Variants in CHST8 observed in about 807,000 individuals in gnomAD.
CHST8 encodes GALNAC-4-ST1.
CHST8 carries 10 observed loss-of-function variants against 15.0 expected under a neutral mutation model. The ratio of observed to expected loss-of-function variants is 0.67; its 90% CI spans 0.41 to 1.13. CHST8 has a LOEUF of 1.13. Ranked by LOEUF, CHST8 falls within the 50% of genes most tolerant of loss-of-function variation. The probability of loss-of-function intolerance (pLI) is 0.00; values close to 1 mark genes in which losing one functional copy is unlikely to be tolerated. For synonymous variants in CHST8, 259 were observed against 256.6 expected (o/e 1.01, Z -0.09); for missense variants, 634 against 608.2 (o/e 1.04, Z -0.45).
At chr19:33,647,915 A>G (rs1189666479) in intron 1 of CHST8, among the ~76,000 whole-genome samples, 1 of 152,044 alleles carries the variant, frequency 6.6e-6, no homozygotes, top group Non-Finnish European at 1.5e-5. Flanking sequence ...AGAGGGGTTG[A>G]AAGGTTTTTG....
At chr19:33,679,570 T>C (rs1972858293) in intron 2 of CHST8, among the ~76,000 whole-genome samples, 1 of 152,226 alleles carries the variant, frequency 6.6e-6, no homozygotes, top group African/African-American at 2.4e-5. Flanking sequence ...CAGCCAAACT[T>C]TCTGCGTGTT....
rs1568358504 is a variant in CHST8, at chr19:33,757,463, A to G, written c.131-13950A>G. ...GAAAGAAAGAAAGAAAGAAAGAAAG[A>G]AAGAAAGAAAGAAAGAAAGAAAGAA... On this transcript the variant is annotated intron_variant, in intron 3 of 4. Transcript: ENST00000650847. 6.2e-4 allele frequency among the ~76,000 whole-genome samples: 27 copies of G among 43,246 alleles called. 6 individuals are homozygous for G. The highest frequency in any genetic ancestry group is 2.9e-3 in the Admixed American group (12 of 4,106). The allele number at this position is 43,246 out of a possible 152,430, so 28.4% of individuals were successfully genotyped here.
At chr19:33,751,017 C>T (rs1974407800) in intron 3 of CHST8, among the ~76,000 whole-genome samples, 1 of 152,072 alleles carries the variant, frequency 6.6e-6, no homozygotes, top group Admixed American at 6.5e-5. Flanking sequence ...TACAAGCTCT[C>T]CTTTTAATAA....
At chr19:33,622,480 C>T (rs1470549083) in intron 1 of CHST8, among the ~76,000 whole-genome samples, 184 bp downstream of exon 1, 3 of 152,220 alleles carry the variant, frequency 2.0e-5, no homozygotes, top group Non-Finnish European at 4.4e-5. Context: ...GGTCTGGTTG[C>T]ACTTTGGGGA....
intron 1 of CHST8, among the ~76,000 whole-genome samples, chr19:33,665,710 G>A (rs116055253): frequency 6.6e-6 from 1 of 152,092 alleles, no homozygotes; most frequent in African/African-American, 2.4e-5. Flanking sequence ...GGCTGGGGCC[G>A]CAGAACCCAG....
intron 1 of CHST8, among the ~76,000 whole-genome samples, chr19:33,634,247 TC>T (rs1282619414): frequency 6.6e-6 from 1 of 152,232 alleles, no homozygotes; most frequent in Non-Finnish European, 1.5e-5. Context: ...TGTGAGTTTT[TC>T]CCATTTTAGC....
chr19:33,631,791 T>C lies in CHST8; in HGVS notation c.-164+9495T>C, dbSNP rs375539459. Among the ~76,000 whole-genome samples, 206 of 152,156 alleles carry C rather than the reference T, an allele frequency of 1.4e-3. 8 individuals are homozygous for C. In the South Asian group the frequency reaches 0.042, roughly 31 times the overall value. ...CCTCCCTCCACCCCAGGCAGCCACCTCTAGGTTGCGGCTGAAGCTGGGACC... is the reference window on the plus strand; with the variant it reads ...CCTCCCTCCACCCCAGGCAGCCACCCCTAGGTTGCGGCTGAAGCTGGGACC... On this transcript the variant is annotated intron_variant, in intron 1 of 4. Transcript: ENST00000650847.
At chr19:33,652,706 TGTTTCC>T (rs1415515846) in intron 1 of CHST8, among the ~76,000 whole-genome samples, 1 of 152,150 alleles carries the variant, frequency 6.6e-6, no homozygotes, top group Non-Finnish European at 1.5e-5. Context: ...TTTTATTTTG[TGTTTCC>T]TACTTAACTT....
intron 3 of CHST8, among the ~76,000 whole-genome samples, chr19:33,693,226 G>A (rs184862272): frequency 2.0e-4 from 30 of 152,064 alleles, no homozygotes; most frequent in Admixed American, 1.5e-3. Flanking sequence ...GGCTGATCTC[G>A]AATCCCCAAC....
chr19:33,642,310 C>T (rs1301928113), intron 1 of CHST8, among the ~76,000 whole-genome samples: 2 of 152,172 alleles, frequency 1.3e-5, no homozygotes, highest in African/African-American at 4.8e-5. Context: ...CCCCACTCCA[C>T]CTCCCACTTC....
Position 33,773,068 on chromosome 19 carries a change from C to T in CHST8, c.*5C>T, listed in dbSNP as rs766431389. The stretch of plus-strand genomic sequence containing the variant: ...CCCTTTGCAGATCTGTACTGAGGGG[C>T]GCCGCAGCTGGCCGGGGCCGCCCTG... On this transcript the variant is annotated 3_prime_UTR_variant, in exon 5 of 5. Transcript: ENST00000650847. 1.3e-6 allele frequency: 2 copies of T among 1,582,610 alleles called. No homozygotes were observed. The highest frequency in any genetic ancestry group is 1.7e-6 in the Non-Finnish European group (2 of 1,166,210).
intron 3 of CHST8, among the ~76,000 whole-genome samples, chr19:33,695,593 A>G (rs1216051968): frequency 6.6e-6 from 1 of 151,858 alleles, no homozygotes; most frequent in African/African-American, 2.4e-5. Flanking sequence ...CCTGAGTCCC[A>G]TAGTCTATTG....
chr19:33,659,059 C>CTTTTTTTTTT lies in CHST8; in HGVS notation c.-163-8694_-163-8685dup, dbSNP rs71181374. 7.7e-4 allele frequency among the ~76,000 whole-genome samples: 61 copies of CTTTTTTTTTT among 78,838 alleles called. 4 individuals carry two copies. The highest frequency in any genetic ancestry group is 1.5e-3 in the African/African-American group (28 of 18,700). 51.7% of individuals were successfully genotyped at this position (78,838 alleles called of 152,430 possible). Reference sequence around the variant, plus strand: ...TTATTGTTTCATGGTTAGGTAATGACTTTTTTTTTTTTTTTTTTTTTTTGA... The same window carrying CTTTTTTTTTT: ...TTATTGTTTCATGGTTAGGTAATGACTTTTTTTTTTTTTTTTTTTTTTTTTTTTTTTTTGA... On this transcript the variant is annotated intron_variant, in intron 1 of 4. Transcript: ENST00000650847.
At chr19:33,767,898 T>C (rs972334804) in intron 3 of CHST8, among the ~76,000 whole-genome samples, 10 of 152,122 alleles carry the variant, frequency 6.6e-5, no homozygotes, top group African/African-American at 2.4e-4. Context: ...ACGTTTTATT[T>C]GGGGGCTTGA....
At chr19:33,750,531 G>C in intron 3 of CHST8, among the ~76,000 whole-genome samples, 1 of 152,034 alleles carries the variant, frequency 6.6e-6, no homozygotes, top group Non-Finnish European at 1.5e-5. Flanking sequence ...TAAGCCTCGG[G>C]ATAAGCCATC....
chr19:33,773,157 C>T lies in CHST8; in HGVS notation c.*94C>T. On this transcript the variant is annotated 3_prime_UTR_variant, in exon 5 of 5. Coordinates refer to ENST00000650847, the MANE Select transcript of CHST8 (RefSeq NM_001127895.2). ...CCCTGGCTCCTCATCCTGGGAGCAA[C>T]AGGGCTCTGAGGACGTGAGGAGCCA... 1 of 1,371,712 alleles carries T rather than the reference C, an allele frequency of 7.3e-7. No individual in the cohort carries two copies. Among genetic ancestry groups the T allele is most frequent in the Non-Finnish European group, 9.7e-7 (1 of 1,029,154 alleles). The allele number at this position is 1,371,712 out of a possible 1,614,324, so 85.0% of individuals were successfully genotyped here.
intron 1 of CHST8, among the ~76,000 whole-genome samples, chr19:33,651,071 G>A (rs1600237456): frequency 6.6e-6 from 1 of 152,194 alleles, no homozygotes; most frequent in South Asian, 2.1e-4. Flanking sequence ...TTTCTTGATG[G>A]TATCATTTGC....
At chr19:33,688,621 G>C (rs1381527734) in intron 2 of CHST8, among the ~76,000 whole-genome samples, 2 of 152,154 alleles carry the variant, frequency 1.3e-5, no homozygotes, top group African/African-American at 4.8e-5. Context: ...GCTGTCACAG[G>C]AGAGTCCGTC....
At chr19:33,664,996 C>G (rs919031975) in intron 1 of CHST8, among the ~76,000 whole-genome samples, 3 of 152,142 alleles carry the variant, frequency 2.0e-5, no homozygotes, top group African/African-American at 7.2e-5. Flanking sequence ...ATCCATTTAT[C>G]CACTGATGGG....
Sources: gnomAD v4.1 joint callset for allele counts (sites outside exome capture counted in the v4.1 genomes callset) on GRCh38, gnomAD v4.1.1 for gene constraint, MANE v1.5 for transcripts, NCBI Gene and HGNC (gene_info 2026-07-23, HGNC 2026-07-21) for gene names.